Variants in FHIT observed in about 807,000 individuals in gnomAD.
The protein encoded by FHIT is bis(5'-adenosyl)-triphosphatase.
Under a neutral mutation model 17.9 loss-of-function variants are expected in FHIT, and 19 were observed. The ratio of observed to expected loss-of-function variants is 1.06; its 90% CI spans 0.74 to 1.56. The LOEUF is 1.56. Ranked by LOEUF, FHIT falls within the 40% of genes most tolerant of loss-of-function variation. The pLI is 0.00. For synonymous variants in FHIT, 81 were observed against 69.7 expected (o/e 1.16, Z -0.81); for missense variants, 248 against 189.2 (o/e 1.31, Z -1.82).
intron 2 of FHIT, among the ~76,000 whole-genome samples, chr3:61,097,560 T>C (rs577093291): frequency 7.4e-4 from 112 of 152,262 alleles, no homozygotes; most frequent in Admixed American, 1.2e-3. Context: ...TAATTTACAC[T>C]CCCACCAACA....
intron 8 of FHIT, among the ~76,000 whole-genome samples, chr3:59,884,235 T>C (rs1248921521): frequency 6.6e-6 from 1 of 152,220 alleles, no homozygotes; most frequent in Non-Finnish European, 1.5e-5. Flanking sequence ...ATAGAATCTA[T>C]GATAAAGATT....
intron 4 of FHIT, among the ~76,000 whole-genome samples, chr3:60,760,853 C>T (rs1041173050): frequency 9.2e-5 from 14 of 152,192 alleles, no homozygotes; most frequent in East Asian, 7.7e-4. Flanking sequence ...ATCCTTTGCC[C>T]GTGATCCTTC....
intron 2 of FHIT, among the ~76,000 whole-genome samples, chr3:61,135,018 C>A (rs2036872413): frequency 6.6e-6 from 1 of 152,004 alleles, no homozygotes; most frequent in South Asian, 2.1e-4. Flanking sequence ...AAAGTAGGGG[C>A]TAGAGGTGGG....
At chr3:60,269,896 G>A (rs1010358793) in intron 5 of FHIT, among the ~76,000 whole-genome samples, 1 of 152,200 alleles carries the variant, frequency 6.6e-6, no homozygotes. Context: ...CCCTATGGGT[G>A]AACATTTGCT....
At chr3:61,128,270 A>G (rs142499922) in intron 2 of FHIT, among the ~76,000 whole-genome samples, 23 of 152,348 alleles carry the variant, frequency 1.5e-4, no homozygotes, top group African/African-American at 5.5e-4. Flanking sequence ...CAGGGAATAA[A>G]TGAAAAACCT....
chr3:59,842,769 T>C (rs113454852), intron 8 of FHIT, among the ~76,000 whole-genome samples: 13 of 152,262 alleles, frequency 8.5e-5, no homozygotes, highest in African/African-American at 3.1e-4. Flanking sequence ...TTTGTTGTTG[T>C]TGCTGAGTTT....
Position 60,054,911 on chromosome 3 carries a change from T to A in FHIT, c.104-40759A>T, listed in dbSNP as rs145945829. 7.2e-4 allele frequency among the ~76,000 whole-genome samples: 110 copies of A among 152,306 alleles called. 3 individuals are homozygous for A. In the East Asian group the frequency reaches 0.02, roughly 28 times the overall value. ...AATTTGTGTTTTATTTTTGTTTACA[T>A]TTTACATTAAGAAATTAATGAAGTG... On this transcript the variant is annotated intron_variant, in intron 5 of 9. Transcript: ENST00000492590.
chr3:59,947,437 GATTA>G (rs748913972), intron 7 of FHIT, among the ~76,000 whole-genome samples: 4 of 151,948 alleles, frequency 2.6e-5, no homozygotes, highest in East Asian at 3.9e-4. Context: ...CTATCAATCT[GATTA>G]ATTTTTTCAA....
intron 5 of FHIT, among the ~76,000 whole-genome samples, chr3:60,420,067 T>C (rs1702413190): frequency 6.6e-6 from 1 of 152,192 alleles, no homozygotes; most frequent in African/African-American, 2.4e-5. Flanking sequence ...AATCTTGCTT[T>C]ATTTCTTATT....
At chr3:60,536,709 T>A in intron 5 of FHIT, 151 bp downstream of exon 5, 2 of 717,368 alleles carry the variant, frequency 2.8e-6, no homozygotes, top group Non-Finnish European at 2.1e-6. Flanking sequence ...ATGAGTAACA[T>A]CTTACCTGGT....
At chr3:60,395,838 A>G (rs1180392735) in intron 5 of FHIT, among the ~76,000 whole-genome samples, 1 of 152,180 alleles carries the variant, frequency 6.6e-6, no homozygotes. Context: ...GAATTTTGCA[A>G]TTATCAATTG....
intron 3 of FHIT, among the ~76,000 whole-genome samples, chr3:60,853,691 C>T (rs1156570571): frequency 1.3e-5 from 2 of 152,096 alleles, no homozygotes; most frequent in Non-Finnish European, 2.9e-5. Flanking sequence ...GACTTAATGG[C>T]AGTTGTGATC....
At position 60,536,918 on chromosome 3, in the gene FHIT, C is replaced by A. The variant is rs1331501075; in HGVS notation, c.45G>T (p.Val15=). The A allele has an allele frequency of 2.5e-6, 4 of 1,612,888 alleles. No homozygotes were observed. In the Admixed American group the frequency reaches 5.0e-5, roughly 20 times the overall value. The change falls in exon 5 of 10, where the codon GTG becomes GTT. Residue 15 remains valine (V), a synonymous_variant. Transcript: ENST00000492590. The stretch of plus-strand genomic sequence containing the variant: ...CGAAGGACAGTTCTGTTTTGAGAAA[C>A]ACTACAGAGGGCTTGATGAGATGTT... ...FGQHLIKPSV[V]FLKTELSFAL...
chr3:60,554,778 C>T (rs2036686621), intron 4 of FHIT, among the ~76,000 whole-genome samples: 1 of 152,156 alleles, frequency 6.6e-6, no homozygotes, highest in South Asian at 2.1e-4. Context: ...TAAGTGAATA[C>T]AACATAATAA....
At position 59,823,897 on chromosome 3, in the gene FHIT, G is replaced by T. The variant is rs993559312; in HGVS notation, c.349-71576C>A. 6.6e-5 allele frequency among the ~76,000 whole-genome samples: 10 copies of T among 152,262 alleles called. No individual in the cohort carries two copies. In the East Asian group the frequency reaches 1.9e-3, roughly 29 times the overall value. On this transcript the variant is annotated intron_variant, in intron 8 of 9. Coordinates refer to ENST00000492590, the MANE Select transcript of FHIT (RefSeq NM_002012.4). Reference sequence around the variant, plus strand: ...AAAGGGCATCCAAATCGGTAAAGAGGAAGTCAAACTGTCGCTGTTTGCTGA... The same window carrying T: ...AAAGGGCATCCAAATCGGTAAAGAGTAAGTCAAACTGTCGCTGTTTGCTGA...
At chr3:60,148,991 A>G (rs929185600) in intron 5 of FHIT, among the ~76,000 whole-genome samples, 3 of 152,142 alleles carry the variant, frequency 2.0e-5, no homozygotes, top group African/African-American at 7.2e-5. Context: ...TCCTTCCACC[A>G]TCAAGAGGAG....
chr3:60,886,517 A>G (rs2107151484), intron 3 of FHIT, among the ~76,000 whole-genome samples: 1 of 152,326 alleles, frequency 6.6e-6, no homozygotes, highest in Admixed American at 6.5e-5. Flanking sequence ...ACTTCTGGTA[A>G]GAGAAATAAT....
chr3:59,760,205 T>C (rs940717740), intron 8 of FHIT, among the ~76,000 whole-genome samples: 4 of 152,294 alleles, frequency 2.6e-5, no homozygotes, highest in African/African-American at 9.6e-5. Context: ...TGAAATAAGC[T>C]CTTATATTAA....
chr3:60,388,411 G>A (rs1701094712), intron 5 of FHIT, among the ~76,000 whole-genome samples: 1 of 151,998 alleles, frequency 6.6e-6, no homozygotes, highest in South Asian at 2.1e-4. Context: ...ACCTGTCTGG[G>A]CAACATGGAA....
Sources: gnomAD v4.1 joint callset for allele counts (sites outside exome capture counted in the v4.1 genomes callset) on GRCh38, gnomAD v4.1.1 for gene constraint, MANE v1.5 for transcripts, NCBI Gene and HGNC (gene_info 2026-07-23, HGNC 2026-07-21) for gene names.